Variants in OSBPL3 observed in about 807,000 individuals in gnomAD.
The protein encoded by OSBPL3 is oxysterol binding protein like 3.
In OSBPL3, 65 loss-of-function variants were observed where a neutral mutation model predicts 120.1. The observed-to-expected ratio is 0.54, with a 90% CI of 0.44 to 0.67. The LOEUF (loss-of-function observed/expected upper bound fraction) is 0.67, where lower values mean the gene tolerates loss of function less well. OSBPL3 is among the 30% of genes least tolerant of loss of function. OSBPL3 has a pLI of 0.00. For missense variants in OSBPL3, 1,004 were observed against 1,082.1 expected (o/e 0.93, Z 1.01); for synonymous variants, 416 against 402.6 (o/e 1.03, Z -0.40).
rs563607033 is a variant in OSBPL3 at position 24,965,921 on chromosome 7, G to T, written c.-150+13965C>A. The stretch of plus-strand genomic sequence containing the variant: ...TGAGGTTTAGAACCACTTCCCTCAA[G>T]GGTGTGTCCCATTCATGTGGCCCCA... On this transcript the variant is annotated intron_variant, in intron 1 of 22. Coordinates refer to ENST00000313367, the MANE Select transcript of OSBPL3 (RefSeq NM_015550.4). The surrounding 1 kb of genome is among the most constrained non-coding windows in gnomAD (Gnocchi z 4.3). Among the ~76,000 whole-genome samples, 1 of 152,270 alleles carries T rather than the reference G, an allele frequency of 6.6e-6. No individual in the cohort carries two copies. Among genetic ancestry groups the T allele is most frequent in the South Asian group, 2.1e-4 (1 of 4,812 alleles).
rs942124029 is a variant in OSBPL3 at position 24,954,403 on chromosome 7, T to C, written c.-150+25483A>G. Among the ~76,000 whole-genome samples, 21 of 152,188 alleles carry C rather than the reference T, an allele frequency of 1.4e-4. 1 individual carries two copies. Among genetic ancestry groups the C allele is most frequent in the African/African-American group, 4.6e-4 (19 of 41,430 alleles). ...TTCTATATAATTAAGAATGTTGTTATAGCTACTCTTATGCCAAGAATCATC... is the reference window on the plus strand; with the variant it reads ...TTCTATATAATTAAGAATGTTGTTACAGCTACTCTTATGCCAAGAATCATC... On this transcript the variant is annotated intron_variant, in intron 1 of 22. Coordinates refer to ENST00000313367, the MANE Select transcript of OSBPL3 (RefSeq NM_015550.4).
At position 24,939,864 on chromosome 7, in the gene OSBPL3, A is replaced by T. The variant is rs1812879837; in HGVS notation, c.-150+40022T>A. ...GGTGGGAGGAAAGAGGAGGGAGAGC[A>T]TTAGGACAAATATCTAATGCATGCA... On this transcript the variant is annotated intron_variant, in intron 1 of 22. Coordinates refer to ENST00000313367, the MANE Select transcript of OSBPL3 (RefSeq NM_015550.4). This position sits in a 1 kb window ranked among gnomAD's most constrained non-coding sequence, Gnocchi z 4.2. Among the ~76,000 whole-genome samples, 1 of 152,194 alleles carries T rather than the reference A, an allele frequency of 6.6e-6. No homozygotes were observed. Among genetic ancestry groups the T allele is most frequent in the Non-Finnish European group, 1.5e-5 (1 of 68,010 alleles).
At position 24,904,952 on chromosome 7, in the gene OSBPL3, TGTGTGTGTGA is replaced by T. The variant is rs1261073951; in HGVS notation, c.-149-12341_-149-12332del. 1.1e-4 allele frequency among the ~76,000 whole-genome samples: 17 copies of T among 150,894 alleles called. No individual in the cohort carries two copies. In the South Asian group the frequency reaches 2.5e-3, roughly 22 times the overall value. ...GTGTGTGTGTGTGTGTGTGTGTGTG[TGTGTGTGTGA>T]ATAAAGTTAAGAGGAACTAGAACAG... On this transcript the variant is annotated intron_variant, in intron 1 of 22. Coordinates refer to ENST00000313367, the MANE Select transcript of OSBPL3 (RefSeq NM_015550.4).
intron 16 of OSBPL3, among the ~76,000 whole-genome samples, chr7:24,828,227 T>C (rs1485425807): frequency 1.3e-5 from 2 of 152,180 alleles, no homozygotes; most frequent in Admixed American, 6.5e-5. Flanking sequence ...GGTTTCACCA[T>C]GTTAGCCAGG....
chr7:24,966,878 A>C lies in OSBPL3; in HGVS notation c.-150+13008T>G, dbSNP rs1237550719. Among the ~76,000 whole-genome samples, 3 of 152,226 alleles carry C rather than the reference A, an allele frequency of 2.0e-5. No homozygotes were observed. The highest frequency in any genetic ancestry group is 7.2e-5 in the African/African-American group (3 of 41,466). On this transcript the variant is annotated intron_variant, in intron 1 of 22. Coordinates refer to ENST00000313367, the MANE Select transcript of OSBPL3 (RefSeq NM_015550.4). This position sits in a 1 kb window ranked among gnomAD's most constrained non-coding sequence, Gnocchi z 4.8. ...ATATAAATCACATACATACAAATTT[A>C]TGTCAACAAATAATCATTTTTTTAT...
In OSBPL3 at chr7:24,832,652, C is replaced by T. The variant is rs1796544517; in HGVS notation, c.1747-1747G>A. Reference sequence around the variant, plus strand: ...ATTGGTGACCTGTGAAACAGTACAGCCACACTGTGTATGGAATGCTGAATC... The same window carrying T: ...ATTGGTGACCTGTGAAACAGTACAGTCACACTGTGTATGGAATGCTGAATC... On this transcript the variant is annotated intron_variant, in intron 15 of 22. Coordinates refer to ENST00000313367, the MANE Select transcript of OSBPL3 (RefSeq NM_015550.4). Among the ~76,000 whole-genome samples the T allele has an allele frequency of 2.0e-5, 3 of 152,238 alleles. No homozygotes were observed. In the South Asian group the frequency reaches 6.2e-4, roughly 32 times the overall value.
upstream of OSBPL3, chr7:24,981,290 C>G (rs569262843): frequency 6.6e-6 from 1 of 152,256 alleles, no homozygotes; most frequent in Non-Finnish European, 1.5e-5. This position sits in a 1 kb window ranked among gnomAD's most constrained non-coding sequence, Gnocchi z 7.3. Context: ...TACCCAGATT[C>G]CTGAGCCTGG....
rs1816028582 is a variant in OSBPL3, at chr7:24,963,550, T to A, written c.-150+16336A>T. Among the ~76,000 whole-genome samples the A allele has an allele frequency of 2.6e-5, 4 of 152,108 alleles. 1 individual carries two copies. The South Asian group carries it at 8.3e-4, about 32-fold the overall frequency. ...AGTAGCACATCTGGCTGAGTGCGCA[T>A]CTGACTGCCTATGCACAAGGACCCT... On this transcript the variant is annotated intron_variant, in intron 1 of 22. Transcript: ENST00000313367.
At chr7:24,971,994 T>C (rs903071070) in intron 1 of OSBPL3, among the ~76,000 whole-genome samples, 1 of 152,206 alleles carries the variant, frequency 6.6e-6, no homozygotes, top group African/African-American at 2.4e-5. Context: ...CTGTATTCTT[T>C]TAGGCTTCAC....
Position 24,872,844 on chromosome 7 carries a change from A to AAT in OSBPL3, c.97-776_97-775insAT, listed in dbSNP as rs1802360359. Among the ~76,000 whole-genome samples the AAT allele has an allele frequency of 6.6e-6, 1 of 152,194 alleles. No homozygotes were observed. The highest frequency in any genetic ancestry group is 2.1e-4 in the South Asian group (1 of 4,828). On this transcript the variant is annotated intron_variant, in intron 2 of 22. Coordinates refer to ENST00000313367, the MANE Select transcript of OSBPL3 (RefSeq NM_015550.4). The surrounding 1 kb of genome is among the most constrained non-coding windows in gnomAD (Gnocchi z 4.1). ...TAGAAGAACACTAAAAGTTCTGAAAATTTACTTTTAAATACTTAAAAATAA... is the reference window on the plus strand; with the variant it reads ...TAGAAGAACACTAAAAGTTCTGAAAAATTTTACTTTTAAATACTTAAAAATAA...
intron 18 of OSBPL3, 75 bp downstream of exon 18, chr7:24,816,535 T>G: frequency 1.1e-6 from 1 of 907,222 alleles, no homozygotes; most frequent in African/African-American, 1.6e-5. Context: ...GGGGCGGGGG[T>G]GGGCATCCTG....
intron 1 of OSBPL3, among the ~76,000 whole-genome samples, chr7:24,901,083 G>A (rs540966947): frequency 6.7e-4 from 102 of 151,146 alleles, no homozygotes; most frequent in Non-Finnish European, 1.3e-3. Flanking sequence ...TAATCCCAGC[G>A]CTTTGGGAGG....
rs554778049 is a variant in OSBPL3 at position 24,818,981 on chromosome 7, G to A, written c.1948+1194C>T. On this transcript the variant is annotated intron_variant, in intron 17 of 22. Coordinates refer to ENST00000313367, the MANE Select transcript of OSBPL3 (RefSeq NM_015550.4). The surrounding 1 kb of genome is among the most constrained non-coding windows in gnomAD (Gnocchi z 4.0). Reference sequence around the variant, plus strand: ...AAAAAAATCCAACTTTTGGCTGGGCGCAGTGGCTCATGCCTGTAATCCCAG... The same window carrying A: ...AAAAAAATCCAACTTTTGGCTGGGCACAGTGGCTCATGCCTGTAATCCCAG... Among the ~76,000 whole-genome samples, 4 of 152,150 alleles carry A rather than the reference G, an allele frequency of 2.6e-5. No homozygotes were observed. The East Asian group carries it at 7.7e-4, about 29-fold the overall frequency.
At position 24,966,784 on chromosome 7, in the gene OSBPL3, C is replaced by T. The variant is rs1816429885; in HGVS notation, c.-150+13102G>A. 1.3e-5 allele frequency among the ~76,000 whole-genome samples: 2 copies of T among 152,178 alleles called. No homozygotes were observed. The highest frequency in any genetic ancestry group is 2.1e-4 in the South Asian group (1 of 4,830). On this transcript the variant is annotated intron_variant, in intron 1 of 22. Coordinates refer to ENST00000313367, the MANE Select transcript of OSBPL3 (RefSeq NM_015550.4). The surrounding 1 kb of genome is among the most constrained non-coding windows in gnomAD (Gnocchi z 4.8). ...AAAAGAACTGCTAGTACAAACACAA[C>T]GCCTCTCTAAAGAGGCTGGGCTTGT...
chr7:24,903,825 G>C (rs970727378), intron 1 of OSBPL3, among the ~76,000 whole-genome samples: 1 of 151,518 alleles, frequency 6.6e-6, no homozygotes, highest in Non-Finnish European at 1.5e-5. Flanking sequence ...GGGTTTTGCT[G>C]TAGGGTTGAC....
intron 2 of OSBPL3, among the ~76,000 whole-genome samples, chr7:24,874,202 T>A (rs1287359502): frequency 6.6e-6 from 1 of 152,242 alleles, no homozygotes; most frequent in East Asian, 1.9e-4. Context: ...AATGACTATT[T>A]ACAAATTAGA....
At chr7:24,895,958 T>C (rs1479069649) in intron 1 of OSBPL3, among the ~76,000 whole-genome samples, 2 of 152,126 alleles carry the variant, frequency 1.3e-5, no homozygotes, top group African/African-American at 4.8e-5. Context: ...AAATAGAACA[T>C]TTACGGCCTG....
intron 1 of OSBPL3, among the ~76,000 whole-genome samples, chr7:24,960,395 TA>T (rs1815586078): frequency 6.6e-6 from 1 of 152,134 alleles, no homozygotes; most frequent in Non-Finnish European, 1.5e-5. Flanking sequence ...CTTTGGAGAT[TA>T]AAAATAGGAA....
chr7:24,978,533 G>C (rs1007286511), intron 1 of OSBPL3, among the ~76,000 whole-genome samples: 1 of 152,174 alleles, frequency 6.6e-6, no homozygotes, highest in East Asian at 1.9e-4. Context: ...GGCTGGAGGG[G>C]ATGGTCATTT....
Sources: allele counts gnomAD v4.1 joint callset (sites outside exome capture counted in the v4.1 genomes callset), GRCh38; gene constraint gnomAD v4.1.1; non-coding constraint Gnocchi (gnomAD v3.1); transcripts MANE v1.5; gene names NCBI Gene and HGNC (gene_info 2026-07-23, HGNC 2026-07-21).